DPP6: variants seen among roughly 807,000 people sequenced by gnomAD.
The protein encoded by DPP6 is A-type potassium channel modulatory protein DPP6.
Under a neutral mutation model 122.6 loss-of-function variants are expected in DPP6, and 69 were observed. That is an observed-to-expected ratio of 0.56 (90% confidence interval 0.46 to 0.69). The LOEUF (loss-of-function observed/expected upper bound fraction) is 0.69. Among genes scored for constraint, DPP6 ranks in the 30% least tolerant of loss-of-function variants. The pLI is 0.00. For missense variants in DPP6, 928 were observed against 1,116.9 expected (o/e 0.83, Z 2.41); for synonymous variants, 418 against 433.1 (o/e 0.97, Z 0.43).
chr7:154,339,284 AGGACAG>A (rs1716413339), intron 1 of DPP6, among the ~76,000 whole-genome samples: 1 of 152,238 alleles, frequency 6.6e-6, no homozygotes, highest in Non-Finnish European at 1.5e-5. Context: ...GGAACCCCAG[AGGACAG>A]GGACGTGGGG....
intron 9 of DPP6, 100 bp from the exon 10 acceptor site, chr7:154,772,745 G>C: frequency 6.7e-7 from 1 of 1,502,094 alleles, no homozygotes; most frequent in South Asian, 1.2e-5. Context: ...CAGTGTCCTG[G>C]AGTCCCACCT....
chr7:154,573,641 T>C (rs1831271308), intron 5 of DPP6, among the ~76,000 whole-genome samples: 1 of 152,242 alleles, frequency 6.6e-6, no homozygotes, highest in African/African-American at 2.4e-5. Flanking sequence ...GACATGTTAC[T>C]CTTAGCCGAT....
At chr7:154,037,118 A>G (rs1279026677) in intron 1 of DPP6, among the ~76,000 whole-genome samples, 1 of 152,184 alleles carries the variant, frequency 6.6e-6, no homozygotes, top group African/African-American at 2.4e-5. Flanking sequence ...AGACTCAGTG[A>G]AAGTCATGTT....
chr7:153,791,420 C>CTTCCTTTTTTTTTTTTT, the DPP6 span, among the ~76,000 whole-genome samples: 2 of 24,234 alleles, frequency 8.3e-5, no homozygotes, highest in South Asian at 1.2e-3. Flanking sequence ...TCCTTCCTTC[C>CTTCCTTTTTTTTTTTTT]TTTCTTTTTT....
the DPP6 span, among the ~76,000 whole-genome samples, chr7:153,772,376 G>A: frequency 2.6e-5 from 4 of 152,158 alleles, no homozygotes; most frequent in African/African-American, 7.2e-5. Context: ...GAGGCACCAC[G>A]CCCCGCTGGG....
At chr7:154,545,497 A>ATCCTTCCT (rs34668667) in intron 4 of DPP6, among the ~76,000 whole-genome samples, 2,988 of 122,018 alleles carry the variant, frequency 0.024, 95 homozygotes, top group African/African-American at 0.08. Context: ...CCTTCCTTCC[A>ATCCTTCCT]TCCTTCCTTC....
chr7:153,955,131 G>A (rs1213635414), intron 1 of DPP6, among the ~76,000 whole-genome samples: 1 of 152,168 alleles, frequency 6.6e-6, no homozygotes, highest in East Asian at 1.9e-4. Context: ...CTGTCATAAT[G>A]TTGTTATAGA....
At chr7:154,640,795 T>C (rs1337183980) in intron 6 of DPP6, among the ~76,000 whole-genome samples, 1 of 152,218 alleles carries the variant, frequency 6.6e-6, no homozygotes. Flanking sequence ...TATTTGAATA[T>C]ACATTATTCA....
At chr7:154,771,316 C>A (rs143403738) in intron 9 of DPP6, among the ~76,000 whole-genome samples, 2 of 152,220 alleles carry the variant, frequency 1.3e-5, no homozygotes, top group Non-Finnish European at 2.9e-5. Flanking sequence ...GTTTTGGCAG[C>A]TGGAAGTCCA....
chr7:154,693,006 T>C (rs1840019826), intron 7 of DPP6, among the ~76,000 whole-genome samples: 1 of 151,082 alleles, frequency 6.6e-6, no homozygotes, highest in African/African-American at 2.4e-5. Context: ...TGCCCAGGCT[T>C]GTCTCAAACT....
At chr7:153,751,646 T>C in the DPP6 span, among the ~76,000 whole-genome samples, 450 of 152,180 alleles carry the variant, frequency 3.0e-3, 3 homozygotes, top group South Asian at 5.0e-3. Context: ...TCCTGGAAAC[T>C]TGTAAGTGGT....
intron 1 of DPP6, among the ~76,000 whole-genome samples, chr7:154,141,875 G>T (rs2150663700): frequency 6.6e-6 from 1 of 152,270 alleles, no homozygotes; most frequent in South Asian, 2.1e-4. Context: ...GTGTATATCT[G>T]GATTTAATGA....
rs141795427 is a variant in DPP6 at position 154,700,251 on chromosome 7, C to G, written c.763-27516C>G. Among the ~76,000 whole-genome samples, 1,295 of 152,266 alleles carry G rather than the reference C, an allele frequency of 8.5e-3. 21 individuals carry two copies. Among genetic ancestry groups the G allele is most frequent in the Non-Finnish European group, 8.6e-3 (586 of 68,026 alleles). The stretch of plus-strand genomic sequence containing the variant: ...CCATTAATCAATAAATATTTAGCGT[C>G]AAGTTTCTACAAGGTTCTGGTGTAG... On this transcript the variant is annotated intron_variant, in intron 7 of 25. Transcript: ENST00000377770.
intron 1 of DPP6, among the ~76,000 whole-genome samples, chr7:154,284,147 G>A (rs1585827559): frequency 1.3e-5 from 2 of 152,242 alleles, no homozygotes; most frequent in East Asian, 3.9e-4. Context: ...ACCCCACTGG[G>A]TCTTCTGTCT....
At chr7:154,115,476 G>A (rs533843558) in intron 1 of DPP6, among the ~76,000 whole-genome samples, 1 of 152,178 alleles carries the variant, frequency 6.6e-6, no homozygotes, top group African/African-American at 2.4e-5. Context: ...TCAGAGATTT[G>A]CTCTGAGGTG....
chr7:153,944,632 G>A (rs1238020133), intron 1 of DPP6, among the ~76,000 whole-genome samples: 2 of 151,634 alleles, frequency 1.3e-5, no homozygotes, highest in African/African-American at 4.8e-5. Context: ...GCCATAACTA[G>A]GAGGGACCAT....
intron 5 of DPP6, among the ~76,000 whole-genome samples, chr7:154,597,292 A>G (rs1424363411): frequency 6.6e-6 from 1 of 152,100 alleles, no homozygotes; most frequent in East Asian, 1.9e-4. Flanking sequence ...TCCTGGCTCA[A>G]TGCCTAATGA....
intron 3 of DPP6, among the ~76,000 whole-genome samples, chr7:154,479,618 A>G (rs991842645): frequency 6.6e-5 from 10 of 151,370 alleles, no homozygotes; most frequent in African/African-American, 2.4e-4. Context: ...GCTCCCTCTC[A>G]AAGAGGTGCA....
intron 7 of DPP6, among the ~76,000 whole-genome samples, chr7:154,724,184 G>A (rs752215703): frequency 7.2e-5 from 11 of 152,128 alleles, no homozygotes; most frequent in Middle Eastern, 3.2e-3. Context: ...CCCAGGCCAT[G>A]TAATATGTAT....
Sources: allele counts gnomAD v4.1 joint callset (sites outside exome capture counted in the v4.1 genomes callset), GRCh38; gene constraint gnomAD v4.1.1; transcripts MANE v1.5; gene names NCBI Gene and HGNC (gene_info 2026-07-23, HGNC 2026-07-21).